The following SLURP2 variants were observed in gnomAD, a reference collection of about 807,000 sequenced individuals.
SLURP2 encodes the protein secreted Ly-6/uPAR domain-containing protein 2.
Under a neutral mutation model 9.8 loss-of-function variants are expected in SLURP2, and 4 were observed. The observed-to-expected ratio is 0.41, with a 90% confidence interval of 0.20 to 0.94. The LOEUF is 0.94. Ranked by LOEUF, SLURP2 falls within the 40% of genes least tolerant of loss-of-function variation. The probability of loss-of-function intolerance (pLI) is 0.32; values close to 1 mark genes in which losing one functional copy is unlikely to be tolerated. For synonymous variants in SLURP2, 58 were observed against 56.2 expected, an observed-to-expected ratio of 1.03 and a Z score of -0.15; for missense variants, 118 against 126.4, an observed-to-expected ratio of 0.93 and a Z score of 0.32.
intron 1 of SLURP2, among the ~76,000 whole-genome samples, chr8:142,767,837 T>C (rs1194808651): frequency 6.6e-6 from 1 of 152,006 alleles, no homozygotes; most frequent in East Asian, 1.9e-4. Flanking sequence ...GTTCTACCCA[T>C]TCCTCAGTGC....
In SLURP2 at chr8:142,768,833, A is replaced by G. The variant is rs750230172; in HGVS notation, c.52+922T>C. Among the ~76,000 whole-genome samples the G allele has an allele frequency of 3.9e-5, 6 of 151,958 alleles. No individual in the cohort carries two copies. The highest frequency in any genetic ancestry group is 7.4e-5 in the Non-Finnish European group (5 of 67,950). On this transcript the variant is annotated intron_variant, in intron 1 of 2. Transcript: ENST00000317543. The surrounding 1 kb of genome is among the most constrained non-coding windows in gnomAD (Gnocchi z 4.8). ...TGGGGATGGAGACTGGAGGGATGTA[A>G]GAGACACCTGAGCCAGCGCCAGGGA...
intron 1 of SLURP2, among the ~76,000 whole-genome samples, chr8:142,766,578 C>G (rs1587604488): frequency 2.0e-5 from 3 of 152,294 alleles, no homozygotes; most frequent in African/African-American, 7.2e-5. Context: ...TGTGGGTCTG[C>G]CCCACTCCCG....
rs76893240 is a variant in SLURP2 at position 142,767,567 on chromosome 8, C to T, written c.52+2188G>A. Among the ~76,000 whole-genome samples, 2,735 of 152,304 alleles carry T rather than the reference C, an allele frequency of 0.018. 185 individuals carry two copies. In the East Asian group the frequency reaches 0.22, roughly 12 times the overall value. Reference sequence around the variant, plus strand: ...CCAGCCTGTCCACTACACATGCCCACGCTCCCAAGGCCTCCCTGGCTTTGA... The same window carrying T: ...CCAGCCTGTCCACTACACATGCCCATGCTCCCAAGGCCTCCCTGGCTTTGA... On this transcript the variant is annotated intron_variant, in intron 1 of 2. Coordinates refer to ENST00000317543, the MANE Select transcript of SLURP2 (RefSeq NM_177458.3).
intron 1 of SLURP2, among the ~76,000 whole-genome samples, chr8:142,765,493 G>A (rs1362473845): frequency 6.6e-6 from 1 of 152,058 alleles, no homozygotes; most frequent in African/African-American, 2.4e-5. Flanking sequence ...AGGTGGAGGG[G>A]CTCTGAGACA....
At chr8:142,769,022 T>C (rs1033719856) in intron 1 of SLURP2, among the ~76,000 whole-genome samples, 2 of 151,932 alleles carry the variant, frequency 1.3e-5, no homozygotes, top group African/African-American at 4.8e-5. Context: ...GCTGGTTTTG[T>C]TGAGGCCTCA....
At chr8:142,764,934 C>G (rs978419001) in intron 2 of SLURP2, 102 bp downstream of exon 2, 21 of 1,181,242 alleles carry the variant, frequency 1.8e-5, no homozygotes, top group Non-Finnish European at 2.6e-5. Flanking sequence ...CACTATGCTT[C>G]TGACTTACTG....
Position 142,768,385 on chromosome 8 carries a change from T to G in SLURP2, c.52+1370A>C, listed in dbSNP as rs1479835343. On this transcript the variant is annotated intron_variant, in intron 1 of 2. Coordinates refer to ENST00000317543, the MANE Select transcript of SLURP2 (RefSeq NM_177458.3). The surrounding 1 kb of genome is among the most constrained non-coding windows in gnomAD (Gnocchi z 4.8). ...CCTCGGGGAGATTGTGCTGTCCATG[T>G]ATGGCAGAGAGCAGACACCAAGCAA... is the stretch of plus-strand genomic sequence containing the variant. 6.6e-6 allele frequency among the ~76,000 whole-genome samples: 1 copy of G among 151,970 alleles called. No individual in the cohort carries two copies. The highest frequency in any genetic ancestry group is 1.5e-5 in the Non-Finnish European group (1 of 67,968).
At chr8:142,765,246 T>C in intron 1 of SLURP2, 106 bp from the exon 2 acceptor site, 5 of 857,396 alleles carry the variant, frequency 5.8e-6, no homozygotes, top group Non-Finnish European at 9.1e-6. Flanking sequence ...CCATGCTCCT[T>C]CTCAGCGGCC....
In SLURP2 at chr8:142,764,572, C is replaced by G; in HGVS notation, c.*33G>C. 1 of 1,594,378 alleles carries G rather than the reference C, an allele frequency of 6.3e-7. No homozygotes were observed. The highest frequency in any genetic ancestry group is 1.1e-5 in the South Asian group (1 of 89,290). ...CGCCAGGCTGTGGGGGCTGTGGGGG[C>G]TGAGCGTCCGGGGGCCTGGAGGAGG... On this transcript the variant is annotated 3_prime_UTR_variant, in exon 3 of 3. Coordinates refer to ENST00000317543, the MANE Select transcript of SLURP2 (RefSeq NM_177458.3).
At chr8:142,764,813 C>T in intron 2 of SLURP2, 72 bp from the exon 3 acceptor site, 1 of 1,565,570 alleles carries the variant, frequency 6.4e-7, no homozygotes, top group Non-Finnish European at 8.7e-7. Flanking sequence ...GCCCCATCTG[C>T]CACTGAGCTG....
chr8:142,765,132 C>G lies in SLURP2; in HGVS notation c.61G>C (p.Glu21Gln). Residue 21 changes from glutamate (E) to glutamine (Q), a missense_variant, in exon 2 of 3, where the codon GAA (glutamate) becomes CAA (glutamine). Coordinates refer to ENST00000317543, the MANE Select transcript of SLURP2 (RefSeq NM_177458.3). ...AVLSLQLAAA[E>Q]AIWCHQCTGF... ...GTGCACTGGTGACACCATATGGCTTCGGCTGCAGCTGCGGACATGGGGACA... is the reference window on the plus strand; with the variant it reads ...GTGCACTGGTGACACCATATGGCTTGGGCTGCAGCTGCGGACATGGGGACA... 1 of 1,608,662 alleles carries G rather than the reference C, an allele frequency of 6.2e-7. No homozygotes were observed. The highest frequency in any genetic ancestry group is 8.5e-7 in the Non-Finnish European group (1 of 1,177,926).
In SLURP2 at chr8:142,764,557, T is replaced by TGGGGGCTGTGGGGGCTGAGCGTCC; in HGVS notation, c.*24_*47dup. The stretch of plus-strand genomic sequence containing the variant: ...AGCTGTGAGCCCTGGCGCCAGGCTG[T>TGGGGGCTGTGGGGGCTGAGCGTCC]GGGGGCTGTGGGGGCTGAGCGTCCG... On this transcript the variant is annotated 3_prime_UTR_variant, in exon 3 of 3. Transcript: ENST00000317543. 6.3e-7 allele frequency: 1 copy of TGGGGGCTGTGGGGGCTGAGCGTCC among 1,578,396 alleles called. No individual in the cohort carries two copies. The highest frequency in any genetic ancestry group is 8.6e-7 in the Non-Finnish European group (1 of 1,163,392).
intron 1 of SLURP2, among the ~76,000 whole-genome samples, chr8:142,767,078 C>T (rs1338474881): frequency 6.6e-6 from 1 of 152,254 alleles, no homozygotes; most frequent in Non-Finnish European, 1.5e-5. Context: ...CTGTATGCAC[C>T]AGCACTGAGC....
rs918130085 is a variant in SLURP2 at position 142,768,878 on chromosome 8, C to A, written c.52+877G>T. Among the ~76,000 whole-genome samples the A allele has an allele frequency of 6.6e-6, 1 of 152,160 alleles. No individual in the cohort carries two copies. Among genetic ancestry groups the A allele is most frequent in the African/African-American group, 2.4e-5 (1 of 41,442 alleles). ...CAGGGACTCACCGACGCTCCACCCC[C>A]TGCTCATTCAGGGCCTGGGAGGCAG... On this transcript the variant is annotated intron_variant, in intron 1 of 2. Transcript: ENST00000317543. The surrounding 1 kb of genome is among the most constrained non-coding windows in gnomAD (Gnocchi z 4.8).
At chr8:142,769,690 G>A (rs1284239760) in intron 1 of SLURP2, 65 bp downstream of exon 1, 3 of 1,454,146 alleles carry the variant, frequency 2.1e-6, no homozygotes, top group Non-Finnish European at 2.8e-6. Context: ...AGGGCTGGAG[G>A]GACGGTGGTT....
At chr8:142,765,544 T>A (rs1274019867) in intron 1 of SLURP2, among the ~76,000 whole-genome samples, 1 of 152,038 alleles carries the variant, frequency 6.6e-6, no homozygotes, top group African/African-American at 2.4e-5. Flanking sequence ...GGGTACTGAG[T>A]GGGACCTGTT....
At chr8:142,766,841 G>A (rs941918590) in intron 1 of SLURP2, among the ~76,000 whole-genome samples, 2 of 152,194 alleles carry the variant, frequency 1.3e-5, no homozygotes, top group African/African-American at 4.8e-5. Flanking sequence ...GGCCAATGGT[G>A]TGGCCATAAG....
Position 142,764,485 on chromosome 8 carries a change from G to T in SLURP2, c.*120C>A. 1 of 1,031,926 alleles carries T rather than the reference G, an allele frequency of 9.7e-7. No individual in the cohort carries two copies. Among genetic ancestry groups the T allele is most frequent in the Non-Finnish European group, 1.5e-6 (1 of 682,912 alleles). 63.9% of individuals were successfully genotyped at this position (1,031,926 alleles called of 1,614,324 possible). A position where few individuals can be genotyped will look rare whatever the true frequency, so the allele number is the denominator to read the frequency against. On this transcript the variant is annotated 3_prime_UTR_variant, in exon 3 of 3. Transcript: ENST00000317543. ...CTAGGACAAGCGGTGCTGGACGGTG[G>T]CTGCAGAGGCCGGGAGAGGTGGGCT...
chr8:142,765,500 G>C (rs1012035470), intron 1 of SLURP2, among the ~76,000 whole-genome samples: 6 of 152,176 alleles, frequency 3.9e-5, no homozygotes, highest in Non-Finnish European at 8.8e-5. Flanking sequence ...GGGGCTCTGA[G>C]ACACGCTTTC....
Sources: gnomAD v4.1 joint callset for allele counts (sites outside exome capture counted in the v4.1 genomes callset) on GRCh38, gnomAD v4.1.1 for gene constraint, Gnocchi (gnomAD v3.1) non-coding constraint, MANE v1.5 for transcripts, NCBI Gene and HGNC (gene_info 2026-07-23, HGNC 2026-07-21) for gene names.